TJP1: variants seen among roughly 807,000 people sequenced by gnomAD.
The protein encoded by TJP1 is tight junction protein ZO-1.
Under a neutral mutation model 194.2 loss-of-function variants are expected in TJP1, and 43 were observed. That is an observed-to-expected ratio of 0.22 (90% CI 0.17 to 0.29). TJP1 has a LOEUF of 0.29. Ranked by LOEUF, TJP1 falls within the 10% of genes least tolerant of loss-of-function variation. The pLI, the probability that TJP1 is intolerant of heterozygous loss-of-function variation, is 1.00. For missense variants in TJP1, 1,971 were observed against 2,185.7 expected (o/e 0.90, Z 1.96); for synonymous variants, 801 against 779.0 (o/e 1.03, Z -0.47).
chr15:29,791,521 C>T (rs2048090582), intron 2 of TJP1, among the ~76,000 whole-genome samples: 3 of 147,706 alleles, frequency 2.0e-5, no homozygotes, highest in Admixed American at 1.4e-4. Flanking sequence ...CCCAGGTTCA[C>T]GCCATTCTCC....
intron 2 of TJP1, among the ~76,000 whole-genome samples, chr15:29,939,237 T>C (rs997046700): frequency 6.6e-6 from 1 of 152,186 alleles, no homozygotes; most frequent in South Asian, 2.1e-4. Flanking sequence ...TCAACTCTAC[T>C]TTCCTGGTAA....
chr15:29,724,244 G>C (rs2043107449), intron 18 of TJP1, among the ~76,000 whole-genome samples: 1 of 152,216 alleles, frequency 6.6e-6, no homozygotes, highest in South Asian at 2.1e-4. Flanking sequence ...CAGTTTTCAA[G>C]AGAGCATCTG....
At chr15:29,727,417 C>T (rs181196130) in intron 16 of TJP1, among the ~76,000 whole-genome samples, 115 of 152,274 alleles carry the variant, frequency 7.6e-4, no homozygotes, top group African/African-American at 2.6e-3. Flanking sequence ...AAAGTCTGTA[C>T]TATATTTCAG....
chr15:29,890,937 T>C (rs981123640), intron 2 of TJP1, among the ~76,000 whole-genome samples: 3 of 152,234 alleles, frequency 2.0e-5, no homozygotes, highest in Non-Finnish European at 4.4e-5. Flanking sequence ...CATCAGTGCA[T>C]GCTCTCTAAA....
At chr15:29,772,521 ATCTTTTAATTC>A (rs1046824286) in intron 3 of TJP1, among the ~76,000 whole-genome samples, 7 of 152,320 alleles carry the variant, frequency 4.6e-5, no homozygotes, top group East Asian at 1.9e-4. Flanking sequence ...TAAGTTTTTC[ATCTTTTAATTC>A]TCTTTTAATT....
In TJP1 at chr15:29,752,025, A is replaced by G. The variant is rs8026437; in HGVS notation, c.1010+9114T>C. Among the ~76,000 whole-genome samples the G allele has an allele frequency of 3.9e-3, 595 of 152,168 alleles. 6 individuals carry two copies. Among genetic ancestry groups the G allele is most frequent in the African/African-American group, 0.014 (566 of 41,516 alleles). ...CTGCAGCCTCAACCTCTTGGGCTCA[A>G]GCAGGCGATCCTTCCACCTCAGCCT... On this transcript the variant is annotated intron_variant, in intron 8 of 27. Coordinates refer to ENST00000614355, the MANE Select transcript of TJP1 (RefSeq NM_001330239.4).
At chr15:29,803,468 G>A (rs1358266240) in intron 1 of TJP1, among the ~76,000 whole-genome samples, 4 of 152,086 alleles carry the variant, frequency 2.6e-5, no homozygotes, top group Admixed American at 2.0e-4. Flanking sequence ...GGTAGGCTGG[G>A]CTAAGCTTAT....
intron 2 of TJP1, among the ~76,000 whole-genome samples, chr15:29,933,067 T>C (rs1254230618): frequency 6.6e-6 from 1 of 152,230 alleles, no homozygotes; most frequent in Non-Finnish European, 1.5e-5. Context: ...TAAAAATCAT[T>C]AAAAATCCCT....
At chr15:29,739,220 A>C (rs1048397843) in intron 10 of TJP1, among the ~76,000 whole-genome samples, 4 of 152,158 alleles carry the variant, frequency 2.6e-5, no homozygotes, top group African/African-American at 9.7e-5. Flanking sequence ...GCCATATCTC[A>C]CCAACAGTGT....
At chr15:29,794,998 A>G (rs796660753) in intron 2 of TJP1, among the ~76,000 whole-genome samples, 2 of 152,356 alleles carry the variant, frequency 1.3e-5, no homozygotes, top group African/African-American at 4.8e-5. Flanking sequence ...GACACAAATT[A>G]CCAATATAAA....
In TJP1 at chr15:29,766,421, C is replaced by A; in HGVS notation, c.434G>T (p.Gly145Val). 1 of 1,614,194 alleles carries A rather than the reference C, an allele frequency of 6.2e-7. No homozygotes were observed. Among genetic ancestry groups the A allele is most frequent in the Non-Finnish European group, 8.5e-7 (1 of 1,180,044 alleles). Residue 145 changes from glycine to valine, a missense_variant, in exon 5 of 28, where the codon GGT (glycine) becomes GTT (valine). By Grantham distance (109) the Gly-to-Val change is moderately radical. Transcript: ENST00000614355. ...CTTCTCACTCCTTCTGTTAACCACA[C>A]CACTCCGGCCACTTCTTGGATCATG... The part of the protein sequence containing the change: ...EIHDPRSGRS[G>V]VVNRRSEKIW...
At chr15:29,899,238 C>T (rs1348738968) in intron 2 of TJP1, among the ~76,000 whole-genome samples, 1 of 152,208 alleles carries the variant, frequency 6.6e-6, no homozygotes, top group Non-Finnish European at 1.5e-5. Context: ...TGGACCCCCA[C>T]TAGCATGAAG....
chr15:29,800,659 A>G lies in TJP1; in HGVS notation c.71T>C (p.Val24Ala). Residue 24 changes from valine (V) to alanine (A), a missense_variant, in exon 2 of 28, where the codon GTG becomes GCG. This residue lies in a region of TJP1 where 245 missense variants were observed against 336.6 expected (regional missense o/e 0.73). Coordinates refer to ENST00000614355, the MANE Select transcript of TJP1 (RefSeq NM_001330239.4). ...EETAIWEQHT[V>A]TLHRAPGFGF... The stretch of plus-strand genomic sequence containing the variant: ...ACACAAACTTACCCTGTGAAGCGTC[A>G]CTGTATGTTGTTCCCATATAGCTGT... The G allele has an allele frequency of 1.9e-6, 3 of 1,613,952 alleles. No homozygotes were observed. Among genetic ancestry groups the G allele is most frequent in the Non-Finnish European group, 2.5e-6 (3 of 1,179,952 alleles).
chr15:29,734,490 T>TC, intron 11 of TJP1, 108 bp from the exon 12 acceptor site: 2 of 724,148 alleles, frequency 2.8e-6, no homozygotes, highest in Non-Finnish European at 4.2e-6. Flanking sequence ...TATCACATCT[T>TC]TTTTTTTTTT....
chr15:29,779,168 A>C (rs2047198617), intron 2 of TJP1, among the ~76,000 whole-genome samples: 1 of 152,156 alleles, frequency 6.6e-6, no homozygotes, highest in Non-Finnish European at 1.5e-5. Flanking sequence ...TGTCCACTTC[A>C]AGCTGATTAA....
intron 2 of TJP1, among the ~76,000 whole-genome samples, chr15:29,842,069 A>G (rs1263559830): frequency 6.6e-6 from 1 of 152,206 alleles, no homozygotes; most frequent in East Asian, 1.9e-4. Flanking sequence ...ATTTGAGCAA[A>G]TGATAGCTTC....
chr15:29,729,778 G>A (rs142206055), intron 15 of TJP1, among the ~76,000 whole-genome samples: 35 of 149,834 alleles, frequency 2.3e-4, no homozygotes, highest in African/African-American at 7.6e-4. Flanking sequence ...ATCTGAGATC[G>A]TGCCACTGCA....
intron 2 of TJP1, among the ~76,000 whole-genome samples, chr15:29,780,843 G>C (rs554146276): frequency 6.6e-6 from 1 of 152,150 alleles, no homozygotes; most frequent in East Asian, 1.9e-4. Context: ...AAGTAAAAAA[G>C]AAATCAACCT....
At chr15:29,772,029 G>T (rs1029173725) in intron 4 of TJP1, 35 bp downstream of exon 4, 1 of 1,328,794 alleles carries the variant, frequency 7.5e-7, no homozygotes, top group Middle Eastern at 1.9e-4. Context: ...TAAAGTTGGG[G>T]TACCTTTACT....
Sources: allele counts gnomAD v4.1 joint callset (sites outside exome capture counted in the v4.1 genomes callset), GRCh38; gene constraint gnomAD v4.1.1; regional missense constraint gnomAD v4.1.1; transcripts MANE v1.5; gene names NCBI Gene and HGNC (gene_info 2026-07-23, HGNC 2026-07-21).